PLXNB1: variants seen among roughly 807,000 people sequenced by gnomAD.
PLXNB1 encodes the protein plexin-B1.
Under a neutral mutation model 209.4 loss-of-function variants are expected in PLXNB1, and 106 were observed. That is an observed-to-expected ratio of 0.51 (90% CI 0.43 to 0.59). The LOEUF (loss-of-function observed/expected upper bound fraction) is 0.59, where lower values mean the gene tolerates loss of function less well. Among genes scored for constraint, PLXNB1 ranks in the 20% least tolerant of loss-of-function variants. PLXNB1 has a pLI of 0.00. For missense variants in PLXNB1, 2,357 were observed against 2,853.2 expected, an observed-to-expected ratio of 0.83 and a Z score of 3.96; for synonymous variants, 1,167 against 1,183.2, an observed-to-expected ratio of 0.99 and a Z score of 0.28.
In PLXNB1 at chr3:48,405,317, G is replaced by C. The variant is rs1056043187; in HGVS notation, c.6303+407C>G. Among the ~76,000 whole-genome samples, 2 of 152,178 alleles carry C rather than the reference G, an allele frequency of 1.3e-5. No individual in the cohort carries two copies. Among genetic ancestry groups the C allele is most frequent in the Non-Finnish European group, 2.9e-5 (2 of 68,026 alleles). ...CCTCCAAAAAGCTTCACCAGCTCCAGTGTACCCTCACACCCCTGGCCCTGT... is the reference window on the plus strand; with the variant it reads ...CCTCCAAAAAGCTTCACCAGCTCCACTGTACCCTCACACCCCTGGCCCTGT... On this transcript the variant is annotated intron_variant, in intron 37 of 37. Transcript: ENST00000296440. The surrounding 1 kb of genome is among the most constrained non-coding windows in gnomAD (Gnocchi z 5.0).
rs2038294102 is a variant in PLXNB1, at chr3:48,418,896, C to T, written c.2955+21G>A. 2 of 1,613,596 alleles carry T rather than the reference C, an allele frequency of 1.2e-6. No homozygotes were observed. The highest frequency in any genetic ancestry group is 1.7e-5 in the Admixed American group (1 of 60,022). On this transcript the variant is annotated intron_variant, in intron 13 of 37. Transcript: ENST00000296440. This position sits in a 1 kb window ranked among gnomAD's most constrained non-coding sequence, Gnocchi z 6.6. ...GCCAGTGCAGTGCACCCGTGCCCACCCAGGCGCTCATGGTGTGCACCTGGT... is the reference window on the plus strand; with the variant it reads ...GCCAGTGCAGTGCACCCGTGCCCACTCAGGCGCTCATGGTGTGCACCTGGT...
At position 48,423,980 on chromosome 3, in the gene PLXNB1, A is replaced by T. The variant is rs1232420867; in HGVS notation, c.632T>A (p.Leu211His). Residue 211 changes from leucine (L) to histidine (H), a missense_variant, in exon 3 of 38, where the codon CTC becomes CAC. Around this residue, in one of 7 missense-constraint regions of PLXNB1, gnomAD observed 404 missense variants for 443.6 expected, o/e 0.91. Coordinates refer to ENST00000296440, the MANE Select transcript of PLXNB1 (RefSeq NM_001130082.3). ...CACGAAGTGGTGGCTGTACTCGGAGAGGCGGCCCACTGCCAGCTTGGCTGT... is the reference window on the plus strand; with the variant it reads ...CACGAAGTGGTGGCTGTACTCGGAGTGGCGGCCCACTGCCAGCTTGGCTGT... ...EETAKLAVGR[L>H]SEYSHHFVSA... The T allele has an allele frequency of 3.1e-6, 5 of 1,613,640 alleles. No individual in the cohort carries two copies. Among genetic ancestry groups the T allele is most frequent in the Non-Finnish European group, 4.2e-6 (5 of 1,179,882 alleles).
chr3:48,408,492 G>A (rs966129307), intron 34 of PLXNB1, among the ~76,000 whole-genome samples: 5 of 151,996 alleles, frequency 3.3e-5, no homozygotes, highest in African/African-American at 9.7e-5. Flanking sequence ...GGGGACTCTC[G>A]GCTTTGACTG....
At position 48,419,367 on chromosome 3, in the gene PLXNB1, C is replaced by A; in HGVS notation, c.2710-1G>T. The A allele has an allele frequency of 6.4e-7, 1 of 1,556,154 alleles. No individual in the cohort carries two copies. Among genetic ancestry groups the A allele is most frequent in the Non-Finnish European group, 8.7e-7 (1 of 1,148,372 alleles). On this transcript the variant is annotated splice_acceptor_variant, in intron 11 of 37. Transcript: ENST00000296440. LOFTEE classifies it high-confidence loss of function. This position sits in a 1 kb window ranked among gnomAD's most constrained non-coding sequence, Gnocchi z 5.7. ...AGCTTGCCCCCAAGGTCGCCTCTTC[C>A]TGCAGGCACCAAGGGCAAGGCAGTC...
rs3214871 is a variant in PLXNB1, at chr3:48,409,892, A to AG, written c.5778+12dup. The AG allele has an allele frequency of 0.56, 904,554 of 1,605,174 alleles. 257,088 individuals carry two copies. Among genetic ancestry groups the AG allele is most frequent in the African/African-American group, 0.68 (50,770 of 74,538 alleles). ...TCAGCCCAGGCCCCACTACCTTGGCAGCCCCACCCCACCTTCATGGACAGC... is the reference window on the plus strand; with the variant it reads ...TCAGCCCAGGCCCCACTACCTTGGCAGGCCCCACCCCACCTTCATGGACAGC... On this transcript the variant is annotated intron_variant, in intron 32 of 37. Coordinates refer to ENST00000296440, the MANE Select transcript of PLXNB1 (RefSeq NM_001130082.3). This position sits in a 1 kb window ranked among gnomAD's most constrained non-coding sequence, Gnocchi z 5.8.
At position 48,425,319 on chromosome 3, in the gene PLXNB1, C is replaced by T. The variant is rs1044055366; in HGVS notation, c.-45G>A. On this transcript the variant is annotated 5_prime_UTR_variant, in exon 2 of 38. Coordinates refer to ENST00000296440, the MANE Select transcript of PLXNB1 (RefSeq NM_001130082.3). ...CTGGATCAGGAGACAACAGCATGAC[C>T]CGTGTGGGAGTCACCTAGCAGGCGG... The T allele has an allele frequency of 6.6e-6, 1 of 152,266 alleles. No homozygotes were observed. The highest frequency in any genetic ancestry group is 1.5e-5 in the Non-Finnish European group (1 of 68,144). 9.4% of individuals were successfully genotyped at this position (152,266 alleles called of 1,614,324 possible).
At chr3:48,425,757 G>A (rs1207077342) in intron 1 of PLXNB1, among the ~76,000 whole-genome samples, 1 of 151,636 alleles carries the variant, frequency 6.6e-6, no homozygotes, top group Non-Finnish European at 1.5e-5. Context: ...ACAGGCAGTC[G>A]CACAGCAAGA....
Position 48,420,853 on chromosome 3 carries a change from A to G in PLXNB1, c.1914T>C (p.Ser638=). Residue 638 remains serine (S), a synonymous_variant, in exon 9 of 38, where the codon TCT becomes TCC. Coordinates refer to ENST00000296440, the MANE Select transcript of PLXNB1 (RefSeq NM_001130082.3). ...GGACAGGGCGAGGAACTCACTGCGC[A>G]GATGGGCGGAGTTCAGTGACCGCCA... ...DCVAVTELRP[S]AQCQACVSSR... 6.2e-7 allele frequency: 1 copy of G among 1,613,448 alleles called. No individual in the cohort carries two copies. Among genetic ancestry groups the G allele is most frequent in the South Asian group, 1.1e-5 (1 of 91,060 alleles).
In PLXNB1 at chr3:48,405,537, G is replaced by A. The variant is rs750737950; in HGVS notation, c.6303+187C>T. 1.1e-4 allele frequency among the ~76,000 whole-genome samples: 16 copies of A among 152,194 alleles called. No homozygotes were observed. The highest frequency in any genetic ancestry group is 2.1e-4 in the Non-Finnish European group (14 of 68,030). ...TGGAATGGGGAGCAGTGGGACAGGT[G>A]AGAGCACAGCCAATGCCAGGAAGCC... On this transcript the variant is annotated intron_variant, in intron 37 of 37. Transcript: ENST00000296440. The surrounding 1 kb of genome is among the most constrained non-coding windows in gnomAD (Gnocchi z 5.0).
intron 1 of PLXNB1, among the ~76,000 whole-genome samples, chr3:48,428,637 C>G (rs1458050419): frequency 6.6e-6 from 1 of 152,196 alleles, no homozygotes; most frequent in Non-Finnish European, 1.5e-5. Context: ...TGCTCAGCTC[C>G]CAGGGTTCAC....
rs140771818 is a variant in PLXNB1 at position 48,406,342 on chromosome 3, T to C, written c.6228+481A>G. Reference sequence around the variant, plus strand: ...CAAATAAGACAATCAAAGCACCCCATGAAGGGCTTCACACACAACACCCCA... The same window carrying C: ...CAAATAAGACAATCAAAGCACCCCACGAAGGGCTTCACACACAACACCCCA... On this transcript the variant is annotated intron_variant, in intron 36 of 37. Coordinates refer to ENST00000296440, the MANE Select transcript of PLXNB1 (RefSeq NM_001130082.3). The surrounding 1 kb of genome is among the most constrained non-coding windows in gnomAD (Gnocchi z 4.4). 3.3e-5 allele frequency among the ~76,000 whole-genome samples: 5 copies of C among 152,326 alleles called. No homozygotes were observed. Among genetic ancestry groups the C allele is most frequent in the African/African-American group, 1.2e-4 (5 of 41,566 alleles).
intron 1 of PLXNB1, among the ~76,000 whole-genome samples, chr3:48,427,778 T>G (rs924870520): frequency 1.3e-5 from 2 of 152,124 alleles, no homozygotes; most frequent in African/African-American, 4.8e-5. Flanking sequence ...ATCCTCTCCC[T>G]GGGGAGCCTC....
At chr3:48,425,053 G>A (rs776792500) in intron 2 of PLXNB1, among the ~76,000 whole-genome samples, 8 of 152,156 alleles carry the variant, frequency 5.3e-5, no homozygotes, top group Non-Finnish European at 7.3e-5. Flanking sequence ...AGGAGAGGGA[G>A]GTCTCCTGAA....
At chr3:48,423,059 C>T (rs2038640789) in intron 3 of PLXNB1, 112 bp from the exon 4 acceptor site, 1 of 917,258 alleles carries the variant, frequency 1.1e-6, no homozygotes, top group Admixed American at 2.5e-5. Context: ...TCTCCCTGTA[C>T]AACTGTGTTT....
Position 48,423,689 on chromosome 3 carries a change from G to A in PLXNB1, c.923C>T (p.Pro308Leu), listed in dbSNP as rs1232940706. The change falls in exon 3 of 38, where the codon CCC becomes CTC. Residue 308 changes from proline to leucine, a missense_variant. This residue lies in a region of PLXNB1 where 404 missense variants were observed against 443.6 expected (regional missense o/e 0.91). Coordinates refer to ENST00000296440, the MANE Select transcript of PLXNB1 (RefSeq NM_001130082.3). ...SSAAPPTVGR[P>L]PSAAAGASGA... ...AGATGCCCCAGCAGCCGCCGATGGG[G>A]GCCGGCCCACAGTGGGGGGTGCAGC... The A allele has an allele frequency of 1.9e-6, 3 of 1,613,688 alleles. No individual in the cohort carries two copies. The highest frequency in any genetic ancestry group is 2.7e-5 in the African/African-American group (2 of 74,936).
In PLXNB1 at chr3:48,418,681, G is replaced by T; in HGVS notation, c.2956-139C>A. 2.3e-6 allele frequency: 2 copies of T among 887,700 alleles called. No individual in the cohort carries two copies. The highest frequency in any genetic ancestry group is 2.3e-5 in the Admixed American group (1 of 43,674). 55.0% of individuals were successfully genotyped at this position (887,700 alleles called of 1,614,324 possible). ...ACCCCATGGGGCCACAAGTTGGAGG[G>T]CAGAGCCAGAAATGGAGTATGGGGA... On this transcript the variant is annotated intron_variant, in intron 13 of 37. Coordinates refer to ENST00000296440, the MANE Select transcript of PLXNB1 (RefSeq NM_001130082.3). The surrounding 1 kb of genome is among the most constrained non-coding windows in gnomAD (Gnocchi z 6.6).
intron 3 of PLXNB1, 32 bp downstream of exon 3, chr3:48,423,473 A>G: frequency 6.3e-7 from 1 of 1,594,568 alleles, no homozygotes; most frequent in Non-Finnish European, 8.6e-7. Flanking sequence ...GGCCTCAGAG[A>G]GGCGGAAAAG....
Position 48,414,817 on chromosome 3 carries a change from C to T in PLXNB1, c.4191G>A (p.Gly1397=). The T allele has an allele frequency of 6.2e-7, 1 of 1,613,980 alleles. No individual in the cohort carries two copies. Among genetic ancestry groups the T allele is most frequent in the African/African-American group, 1.3e-5 (1 of 75,070 alleles). Residue 1397 remains glycine (G), a synonymous_variant, in exon 21 of 38, where the codon GGG becomes GGA. Transcript: ENST00000296440. ...GCTGTACCTCCACGGAGAACACACT[C>T]CCAGGCTTGTGCCGGAATGGCATGG... ...DPTMPFRHKP[G]SVFSVEGENL...
rs1234903769 is a variant in PLXNB1, at chr3:48,404,522, A to C, written c.6372T>G (p.Ile2124Met). The change falls in exon 38 of 38, where the codon ATT (isoleucine) becomes ATG (methionine). Residue 2124 changes from isoleucine (I) to methionine (M), a missense_variant. Coordinates refer to ENST00000296440, the MANE Select transcript of PLXNB1 (RefSeq NM_001130082.3). ...KMQLGYRLQQIAAAVENKVTD... is the reference protein window; with the variant it reads ...KMQLGYRLQQMAAAVENKVTD... Reference sequence around the variant, plus strand: ...TGACCTTGTTTTCCACAGCAGCTGCAATCTGCTGGAGCCGATAGCCCAGCT... The same window carrying C: ...TGACCTTGTTTTCCACAGCAGCTGCCATCTGCTGGAGCCGATAGCCCAGCT... 3 of 1,613,346 alleles carry C rather than the reference A, an allele frequency of 1.9e-6. No homozygotes were observed. Among genetic ancestry groups the C allele is most frequent in the Non-Finnish European group, 2.5e-6 (3 of 1,179,390 alleles).
Sources: gnomAD v4.1 joint callset for allele counts (sites outside exome capture counted in the v4.1 genomes callset) on GRCh38, gnomAD v4.1.1 for gene constraint, gnomAD v4.1.1 regional missense constraint, Gnocchi (gnomAD v3.1) non-coding constraint, MANE v1.5 for transcripts, NCBI Gene and HGNC (gene_info 2026-07-23, HGNC 2026-07-21) for gene names.